CFAP44: variants seen among roughly 807,000 people sequenced by gnomAD.
CFAP44 encodes the protein cilia- and flagella-associated protein 44.
Under a neutral mutation model 216.2 loss-of-function variants are expected in CFAP44, and 134 were observed. The ratio of observed to expected loss-of-function variants is 0.62; its 90% CI spans 0.54 to 0.72. CFAP44 has a LOEUF of 0.72. Among genes scored for constraint, CFAP44 ranks in the 30% least tolerant of loss-of-function variants. The pLI, the probability that CFAP44 is intolerant of heterozygous loss-of-function variation, is 0.00. For missense variants in CFAP44, 2,035 were observed against 2,182.1 expected, an observed-to-expected ratio of 0.93 and a Z score of 1.34; for synonymous variants, 700 against 727.6, an observed-to-expected ratio of 0.96 and a Z score of 0.61.
intron 13 of CFAP44, among the ~76,000 whole-genome samples, chr3:113,398,799 C>T (rs1559935534): frequency 6.6e-6 from 1 of 152,030 alleles, no homozygotes; most frequent in Non-Finnish European, 1.5e-5. Flanking sequence ...TAAATATTTC[C>T]CCAAATACTT....
In CFAP44 at chr3:113,330,183, C is replaced by T. The variant is rs1235913795; in HGVS notation, c.4101G>A (p.Gln1367=). The change falls in exon 26 of 35, where the codon CAG becomes CAA. Residue 1367 remains glutamine (Q), a synonymous_variant. Coordinates refer to ENST00000393845, the MANE Select transcript of CFAP44 (RefSeq NM_001164496.2). ...RDEIKHVYMQ[Q]YLVNRIKELV... is the part of the protein sequence containing the mutation. ...CACCCCTTACCCTGTTGACCAAATA[C>T]TGTTGCATGTACACGTGTTTAATCT... 19 of 1,534,790 alleles carry T rather than the reference C, an allele frequency of 1.2e-5. No homozygotes were observed. The highest frequency in any genetic ancestry group is 3.9e-5 in the Admixed American group (2 of 50,908).
In CFAP44 at chr3:113,327,787, T is replaced by C. The variant is rs747508849; in HGVS notation, c.4149A>G (p.Glu1383=). The stretch of plus-strand genomic sequence containing the variant: ...GTTTCTGATGTCTAAGGAGACGGAG[T>C]TCTGCATCGAAAGTGACAACCAGTT... The part of the protein sequence containing the change: ...IKELVVTFDA[E]LRLLRHQKLK... The change falls in exon 27 of 35, where the codon GAA becomes GAG. Residue 1383 remains glutamate (E), a synonymous_variant. Transcript: ENST00000393845. 37 of 1,536,720 alleles carry C rather than the reference T, an allele frequency of 2.4e-5. No homozygotes were observed. Among genetic ancestry groups the C allele is most frequent in the East Asian group, 2.2e-4 (9 of 40,898 alleles).
chr3:113,438,852 A>G (rs1935294105), intron 1 of CFAP44, among the ~76,000 whole-genome samples: 2 of 152,136 alleles, frequency 1.3e-5, no homozygotes, highest in South Asian at 4.1e-4. Flanking sequence ...AAGTATCCCA[A>G]TTATTTCAAT....
rs1166364210 is a variant in CFAP44, at chr3:113,400,596, C to T, written c.1423G>A (p.Ala475Thr). 1 of 1,610,956 alleles carries T rather than the reference C, an allele frequency of 6.2e-7. No individual in the cohort carries two copies. The highest frequency in any genetic ancestry group is 1.1e-5 in the South Asian group (1 of 90,738). ...TAAGTGAGAGGAGAAACAGCCACGG[C>T]TTCAATAGCTCCAGAATGGAAGGAG... ...LFSFHSGAIE[A>T]VAVSPLTYLM... Residue 475 changes from alanine (A) to threonine (T), a missense_variant, in exon 12 of 35, where the codon GCC (alanine) becomes ACC (threonine). Physicochemically the swap from Ala to Thr is moderately conservative, Grantham distance 58. Coordinates refer to ENST00000393845, the MANE Select transcript of CFAP44 (RefSeq NM_001164496.2).
rs796709291 is a variant in CFAP44, at chr3:113,396,580, G to A, written c.1717C>T (p.Pro573Ser). ...AAAGCAGTGACACAAGCAGTATGGGGTTTGAAAACCTGTTTCAACTGAATA... is the reference window on the plus strand; with the variant it reads ...AAAGCAGTGACACAAGCAGTATGGGATTTGAAAACCTGTTTCAACTGAATA... ...ADIQLKQVFK[P>S]HTACVTALAY... is the part of the protein sequence containing the mutation. Residue 573 changes from proline (P) to serine (S), a missense_variant, in exon 14 of 35, where the codon CCC becomes TCC. By Grantham distance (74) the Pro-to-Ser change is moderately conservative. This residue lies in a region of CFAP44 where 1,883 missense variants were observed against 2,023.7 expected (regional missense o/e 0.93). Coordinates refer to ENST00000393845, the MANE Select transcript of CFAP44 (RefSeq NM_001164496.2). The A allele has an allele frequency of 6.2e-7, 1 of 1,614,082 alleles. No homozygotes were observed. Among genetic ancestry groups the A allele is most frequent in the Non-Finnish European group, 8.5e-7 (1 of 1,179,998 alleles).
intron 7 of CFAP44, among the ~76,000 whole-genome samples, chr3:113,408,062 A>G (rs558043417): frequency 2.0e-5 from 3 of 152,240 alleles, no homozygotes; most frequent in Non-Finnish European, 4.4e-5. Context: ...AAAGATTACA[A>G]TTAAAAATCT....
intron 19 of CFAP44, among the ~76,000 whole-genome samples, chr3:113,365,761 GA>G (rs749505207): frequency 6.6e-6 from 1 of 151,924 alleles, no homozygotes; most frequent in Admixed American, 6.6e-5. Flanking sequence ...CTTTGATTAA[GA>G]AAGTTTTTTT....
At chr3:113,434,094 C>A (rs1935175793) in intron 1 of CFAP44, 1 of 158,876 alleles carries the variant, frequency 6.3e-6, no homozygotes, top group Non-Finnish European at 1.4e-5. Flanking sequence ...TGCAGTGTAT[C>A]AAGTCTTATG....
At chr3:113,423,103 TC>T (rs1163778548) in intron 4 of CFAP44, among the ~76,000 whole-genome samples, 101 of 124,432 alleles carry the variant, frequency 8.1e-4, no homozygotes, top group African/African-American at 2.4e-3. Flanking sequence ...ATCTGATCCT[TC>T]CTTTTTTTTT....
At chr3:113,369,004 T>C (rs972482237) in intron 18 of CFAP44, among the ~76,000 whole-genome samples, 1 of 152,134 alleles carries the variant, frequency 6.6e-6, no homozygotes, top group Non-Finnish European at 1.5e-5. Flanking sequence ...CATTACATAA[T>C]GGTAAAGGGA....
chr3:113,334,346 C>T (rs943381569), intron 24 of CFAP44, among the ~76,000 whole-genome samples: 3 of 152,166 alleles, frequency 2.0e-5, no homozygotes, highest in African/African-American at 7.2e-5. Context: ...TTGCCTCTCC[C>T]TCTGTCCCCA....
At chr3:113,368,208 G>A (rs1358357092) in intron 18 of CFAP44, among the ~76,000 whole-genome samples, 1 of 152,106 alleles carries the variant, frequency 6.6e-6, no homozygotes, top group Non-Finnish European at 1.5e-5. Context: ...TAGCAAGGCA[G>A]GCCAACATTC....
At chr3:113,316,093 A>G (rs182189116) in intron 28 of CFAP44, among the ~76,000 whole-genome samples, 2 of 152,370 alleles carry the variant, frequency 1.3e-5, no homozygotes, top group Admixed American at 6.5e-5. Context: ...ATAATACAGA[A>G]TATGTTCTCC....
chr3:113,331,806 A>G (rs1172773682), intron 25 of CFAP44, among the ~76,000 whole-genome samples: 1 of 152,106 alleles, frequency 6.6e-6, no homozygotes, highest in Non-Finnish European at 1.5e-5. Flanking sequence ...CAAATAATAC[A>G]CTATTTTAAA....
At chr3:113,374,994 G>A (rs1933294572) in intron 17 of CFAP44, among the ~76,000 whole-genome samples, 1 of 152,122 alleles carries the variant, frequency 6.6e-6, no homozygotes, top group South Asian at 2.1e-4. Flanking sequence ...TTAAAGTGGA[G>A]TATTATTTGG....
chr3:113,339,209 CTA>C (rs2107817582), intron 24 of CFAP44, among the ~76,000 whole-genome samples: 1 of 152,236 alleles, frequency 6.6e-6, no homozygotes, highest in South Asian at 2.1e-4. Context: ...GTGCAGAGGG[CTA>C]TGAGAGGTTT....
intron 4 of CFAP44, among the ~76,000 whole-genome samples, chr3:113,423,690 G>C (rs1050072885): frequency 6.6e-6 from 1 of 152,098 alleles, no homozygotes; most frequent in African/African-American, 2.4e-5. Context: ...TTATACCATG[G>C]TTTAAGTAAT....
At chr3:113,423,722 T>A (rs143892533) in intron 4 of CFAP44, among the ~76,000 whole-genome samples, 16 of 152,376 alleles carry the variant, frequency 1.1e-4, no homozygotes, top group African/African-American at 3.4e-4. Context: ...GGCACATTTC[T>A]TGCTATTAAA....
intron 28 of CFAP44, among the ~76,000 whole-genome samples, chr3:113,317,505 C>G (rs1029858392): frequency 1.6e-4 from 24 of 152,350 alleles, no homozygotes; most frequent in Admixed American, 1.3e-3. Context: ...TACAACACAG[C>G]CTTTGCAGCC....
Sources: gnomAD v4.1 joint callset for allele counts (sites outside exome capture counted in the v4.1 genomes callset) on GRCh38, gnomAD v4.1.1 for gene constraint, gnomAD v4.1.1 regional missense constraint, MANE v1.5 for transcripts, NCBI Gene and HGNC (gene_info 2026-07-23, HGNC 2026-07-21) for gene names.